ZNF704: variants seen among roughly 807,000 people sequenced by gnomAD.
ZNF704 encodes the protein glucocorticoid induced gene 1.
A neutral mutation model predicts 44.7 loss-of-function variants in ZNF704; 10 were observed. That is an observed-to-expected ratio of 0.22 (90% confidence interval 0.14 to 0.38). ZNF704 has a LOEUF of 0.38. ZNF704 is among the 10% of genes least tolerant of loss of function. ZNF704 has a pLI of 1.00. For synonymous variants in ZNF704, 211 were observed against 207.6 expected (o/e 1.02, Z -0.14); for missense variants, 390 against 545.5 (o/e 0.71, Z 2.84).
At chr8:80,763,251 TC>T (rs1807161823) in intron 2 of ZNF704, among the ~76,000 whole-genome samples, 1 of 152,194 alleles carries the variant, frequency 6.6e-6, no homozygotes, top group Non-Finnish European at 1.5e-5. Context: ...ACCCCACATT[TC>T]CCTTCCACAC....
intron 2 of ZNF704, among the ~76,000 whole-genome samples, chr8:80,727,456 A>G (rs1038289246): frequency 6.6e-6 from 1 of 152,112 alleles, no homozygotes; most frequent in African/African-American, 2.4e-5. Context: ...GTTTTTAAAA[A>G]TAATACAAAA....
intron 5 of ZNF704, among the ~76,000 whole-genome samples, chr8:80,666,232 GCGATAGTTTA>G (rs1818192559): frequency 1.4e-5 from 2 of 146,332 alleles, no homozygotes; most frequent in South Asian, 4.3e-4. Context: ...TTTTGTTCTT[GCGATAGTTTA>G]CTGAGAATGA....
intron 2 of ZNF704, among the ~76,000 whole-genome samples, chr8:80,723,873 C>A (rs1380326352): frequency 6.6e-6 from 1 of 152,188 alleles, no homozygotes; most frequent in East Asian, 1.9e-4. Context: ...AGGGAGCCGA[C>A]TGATAGATGT....
rs761403140 is a variant in ZNF704, at chr8:80,665,078, C to T, written c.664G>A (p.Val222Ile). 1.9e-5 allele frequency: 30 copies of T among 1,613,870 alleles called. No homozygotes were observed. Among genetic ancestry groups the T allele is most frequent in the East Asian group, 1.1e-4 (5 of 44,898 alleles). ...KHIRTIHLGRVGDSDYSDGEE... is the reference protein window; with the variant it reads ...KHIRTIHLGRIGDSDYSDGEE... ...CCATCACTGTAGTCAGAGTCTCCAA[C>T]GCGCCTAATGCAAAAGAGAGTAAAA... Residue 222 changes from valine (V) to isoleucine (I), a missense_variant, in exon 6 of 9, where the codon GTT (valine) becomes ATT (isoleucine). Coordinates refer to ENST00000327835, the MANE Select transcript of ZNF704 (RefSeq NM_001033723.3).
intron 1 of ZNF704, among the ~76,000 whole-genome samples, chr8:80,837,711 T>C (rs1279910607): frequency 6.6e-6 from 1 of 152,178 alleles, no homozygotes; most frequent in African/African-American, 2.4e-5. Context: ...TAGTTTATGG[T>C]GACTATTTTA....
intron 1 of ZNF704, among the ~76,000 whole-genome samples, chr8:80,824,205 G>C (rs1243705458): frequency 6.6e-6 from 1 of 152,152 alleles, no homozygotes; most frequent in Non-Finnish European, 1.5e-5. Flanking sequence ...CGGCTAACTA[G>C]AATAAACAGT....
At chr8:80,778,404 G>A (rs1807451330) in intron 2 of ZNF704, among the ~76,000 whole-genome samples, 1 of 152,140 alleles carries the variant, frequency 6.6e-6, no homozygotes, top group South Asian at 2.1e-4. Context: ...ATACATTGTT[G>A]GTGAGAGTGT....
chr8:80,802,505 T>C (rs1586038388), intron 2 of ZNF704, among the ~76,000 whole-genome samples: 1 of 152,336 alleles, frequency 6.6e-6, no homozygotes, highest in East Asian at 1.9e-4. Flanking sequence ...TCAAGTTGGC[T>C]GCATCTGCAG....
intron 2 of ZNF704, among the ~76,000 whole-genome samples, chr8:80,780,337 G>C (rs558952882): frequency 2.6e-5 from 4 of 152,318 alleles, no homozygotes; most frequent in African/African-American, 9.6e-5. Flanking sequence ...TCCTATGGCA[G>C]AAAGAGATCA....
chr8:80,864,368 GA>G (rs1297321220), intron 1 of ZNF704, among the ~76,000 whole-genome samples: 1 of 151,354 alleles, frequency 6.6e-6, no homozygotes, highest in Non-Finnish European at 1.5e-5. Context: ...AGATGCTCTA[GA>G]AAAAAGTCCA....
Position 80,641,285 on chromosome 8 carries a change from G to A in ZNF704, c.*81C>T, listed in dbSNP as rs1817738601. ...GCTTCAACTGTGTTTTATTCAGTAGGAAAAGCTCTTTCCAACACCTGCAGT... is the reference window on the plus strand; with the variant it reads ...GCTTCAACTGTGTTTTATTCAGTAGAAAAAGCTCTTTCCAACACCTGCAGT... On this transcript the variant is annotated 3_prime_UTR_variant, in exon 9 of 9. Transcript: ENST00000327835. The A allele has an allele frequency of 1.1e-6, 1 of 925,726 alleles. No individual in the cohort carries two copies. The allele number at this position is 925,726 out of a possible 1,614,324, so 57.3% of individuals were successfully genotyped here. A position where few individuals can be genotyped will look rare whatever the true frequency, so the allele number is the denominator to read the frequency against.
chr8:80,681,513 G>A (rs777505575), intron 4 of ZNF704, among the ~76,000 whole-genome samples: 1 of 152,030 alleles, frequency 6.6e-6, no homozygotes, highest in African/African-American at 2.4e-5. Context: ...TGACTGAAGC[G>A]GCGTATGAGG....
chr8:80,826,295 A>AAC (rs1476999460), intron 1 of ZNF704, among the ~76,000 whole-genome samples: 1 of 152,228 alleles, frequency 6.6e-6, no homozygotes, highest in Non-Finnish European at 1.5e-5. Context: ...GAATACTATA[A>AAC]ACACCTCTAT....
chr8:80,837,423 A>G (rs1808601016), intron 1 of ZNF704, among the ~76,000 whole-genome samples: 2 of 152,204 alleles, frequency 1.3e-5, no homozygotes, highest in South Asian at 2.1e-4. Context: ...CGAGGTTAAT[A>G]CAGGATAGAC....
At position 80,650,700 on chromosome 8, in the gene ZNF704, C is replaced by T. The variant is rs371088189; in HGVS notation, c.1033-7571G>A. ...CAAATCTATGTCTGACTGGTGTACC[C>T]GAAAGTGACAGGGAGAATGGAACCA... On this transcript the variant is annotated intron_variant, in intron 7 of 8. Coordinates refer to ENST00000327835, the MANE Select transcript of ZNF704 (RefSeq NM_001033723.3). 1.7e-4 allele frequency among the ~76,000 whole-genome samples: 26 copies of T among 152,118 alleles called. No individual in the cohort carries two copies. The East Asian group carries it at 3.5e-3, about 20-fold the overall frequency.
At chr8:80,737,902 GT>G (rs1806692314) in intron 2 of ZNF704, among the ~76,000 whole-genome samples, 1 of 152,034 alleles carries the variant, frequency 6.6e-6, no homozygotes, top group African/African-American at 2.4e-5. Flanking sequence ...TTTCATTAAT[GT>G]CCCTTTTTCT....
At chr8:80,867,701 A>G (rs947610564) in intron 1 of ZNF704, among the ~76,000 whole-genome samples, 9 of 152,206 alleles carry the variant, frequency 5.9e-5, no homozygotes, top group Non-Finnish European at 1.2e-4. Flanking sequence ...GCAAATTGGA[A>G]TTCAGTGTTT....
intron 2 of ZNF704, among the ~76,000 whole-genome samples, chr8:80,777,749 G>A (rs1563549910): frequency 6.6e-6 from 1 of 151,868 alleles, no homozygotes; most frequent in Non-Finnish European, 1.5e-5. Context: ...CATAATGATG[G>A]TCACCTGTAA....
rs1818631998 is a variant in ZNF704 at position 80,691,335 on chromosome 8, C to T, written c.325+1669G>A. ...TTACATTTCAGTGAACTGCAATCTG[C>T]AACTGGCTTTCTCCCTTGGGGAGTG... On this transcript the variant is annotated intron_variant, in intron 3 of 8. Coordinates refer to ENST00000327835, the MANE Select transcript of ZNF704 (RefSeq NM_001033723.3). Among the ~76,000 whole-genome samples the T allele has an allele frequency of 2.0e-5, 3 of 152,356 alleles. No individual in the cohort carries two copies. In the South Asian group the frequency reaches 6.2e-4, roughly 32 times the overall value.
Sources: gnomAD v4.1 joint callset for allele counts (sites outside exome capture counted in the v4.1 genomes callset) on GRCh38, gnomAD v4.1.1 for gene constraint, MANE v1.5 for transcripts, NCBI Gene and HGNC (gene_info 2026-07-23, HGNC 2026-07-21) for gene names.